GFRA2: variants seen among roughly 807,000 people sequenced by gnomAD.
GFRA2 encodes GDNF family receptor alpha 2, also known as GDNF family receptor alpha-2.
A neutral mutation model predicts 48.3 loss-of-function variants in GFRA2; 17 were observed. The ratio of observed to expected loss-of-function variants is 0.35; its 90% confidence interval spans 0.24 to 0.53. The LOEUF (loss-of-function observed/expected upper bound fraction) is 0.53, where lower values mean the gene tolerates loss of function less well. Ranked by LOEUF, GFRA2 falls within the 20% of genes least tolerant of loss-of-function variation. The probability of loss-of-function intolerance (pLI) is 0.93; values close to 1 mark genes in which losing one functional copy is unlikely to be tolerated. For missense variants in GFRA2, 660 were observed against 637.3 expected, an observed-to-expected ratio of 1.04 and a Z score of -0.38; for synonymous variants, 305 against 257.2, an observed-to-expected ratio of 1.19 and a Z score of -1.78.
intron 4 of GFRA2, among the ~76,000 whole-genome samples, chr8:21,710,830 C>T (rs945603512): frequency 1.3e-5 from 2 of 152,208 alleles, no homozygotes; most frequent in Non-Finnish European, 2.9e-5. Context: ...TCCTCCATTG[C>T]GCCATCCTCA....
At chr8:21,756,550 GAC>G (rs1164350529) in intron 3 of GFRA2, among the ~76,000 whole-genome samples, 1 of 152,150 alleles carries the variant, frequency 6.6e-6, no homozygotes. Flanking sequence ...AGAAAAACTG[GAC>G]ACACATTCCT....
At chr8:21,752,827 G>A (rs553597735) in intron 3 of GFRA2, among the ~76,000 whole-genome samples, 5 of 152,002 alleles carry the variant, frequency 3.3e-5, no homozygotes, top group Admixed American at 6.6e-5. Flanking sequence ...CAAAACTCTC[G>A]GCGCTTCTTT....
chr8:21,806,826 C>G (rs1430845024), intron 1 of GFRA2, among the ~76,000 whole-genome samples: 1 of 152,160 alleles, frequency 6.6e-6, no homozygotes, highest in African/African-American at 2.4e-5. Flanking sequence ...GGAAATAACT[C>G]CACTGTAAAT....
At chr8:21,803,021 G>C (rs1245495649) in intron 2 of GFRA2, among the ~76,000 whole-genome samples, 2 of 152,202 alleles carry the variant, frequency 1.3e-5, no homozygotes, top group Non-Finnish European at 2.9e-5. Context: ...AGCTAAGCTA[G>C]GTTAAGCTAA....
intron 4 of GFRA2, among the ~76,000 whole-genome samples, chr8:21,736,910 G>GGGGAA (rs1804491997): frequency 6.8e-6 from 1 of 147,268 alleles, no homozygotes; most frequent in African/African-American, 2.5e-5. Context: ...GAAGAAATGA[G>GGGGAA]GGGAGGGGAG....
In GFRA2 at chr8:21,788,834, C is replaced by T. The variant is rs1198198412; in HGVS notation, c.-675G>A. The T allele has an allele frequency of 2.1e-6, 2 of 972,778 alleles. No homozygotes were observed. Among genetic ancestry groups the T allele is most frequent in the Non-Finnish European group, 2.4e-6 (2 of 818,660 alleles). The allele number at this position is 972,778 out of a possible 1,614,324, so 60.3% of individuals were successfully genotyped here. A position where few individuals can be genotyped will look rare whatever the true frequency, so the allele number is the denominator to read the frequency against. ...TTTCTCTCTCCTCTCTCTCTCTCTCCTCTCCCTCGCTCGCTCTTTGCTCTC... is the reference window on the plus strand; with the variant it reads ...TTTCTCTCTCCTCTCTCTCTCTCTCTTCTCCCTCGCTCGCTCTTTGCTCTC... On this transcript the variant is annotated 5_prime_UTR_variant, in exon 1 of 9. Coordinates refer to ENST00000524240, the MANE Select transcript of GFRA2 (RefSeq NM_001495.5).
At chr8:21,711,094 G>A (rs567998074) in intron 4 of GFRA2, among the ~76,000 whole-genome samples, 3 of 152,268 alleles carry the variant, frequency 2.0e-5, no homozygotes, top group African/African-American at 7.2e-5. Context: ...ATTTCTCCAA[G>A]GCAAATGTTA....
chr8:21,751,032 C>T (rs932146166), intron 3 of GFRA2, 90 bp from the exon 4 acceptor site: 3 of 857,482 alleles, frequency 3.5e-6, no homozygotes, highest in African/African-American at 3.4e-5. Context: ...TCCCAGTACT[C>T]GATATGCTTC....
chr8:21,785,025 C>T (rs1477889772), intron 1 of GFRA2, among the ~76,000 whole-genome samples: 3 of 152,192 alleles, frequency 2.0e-5, no homozygotes, highest in African/African-American at 4.8e-5. Context: ...TTAACCACCC[C>T]GCCTCCCCAT....
chr8:21,746,637 G>C (rs1235764120), intron 4 of GFRA2, among the ~76,000 whole-genome samples: 2 of 151,808 alleles, frequency 1.3e-5, no homozygotes, highest in African/African-American at 4.8e-5. Flanking sequence ...CATCTGCTTG[G>C]CTCAGCACAC....
intron 2 of GFRA2, among the ~76,000 whole-genome samples, chr8:21,795,322 C>G (rs1807649639): frequency 6.6e-6 from 1 of 152,090 alleles, no homozygotes; most frequent in Non-Finnish European, 1.5e-5. Flanking sequence ...AATTAATTTC[C>G]CTTCTCAGAC....
intron 3 of GFRA2, among the ~76,000 whole-genome samples, chr8:21,773,269 T>C (rs1425409724): frequency 1.3e-5 from 2 of 152,166 alleles, no homozygotes; most frequent in African/African-American, 2.4e-5. Context: ...GCTCAGAGCC[T>C]CTGTATGACC....
upstream of GFRA2, among the ~76,000 whole-genome samples, chr8:21,790,734 A>T (rs1585348547): frequency 6.6e-6 from 1 of 152,188 alleles, no homozygotes; most frequent in Non-Finnish European, 1.5e-5. Flanking sequence ...AGTTGGGGAA[A>T]GCCCCCTTCA....
In GFRA2 at chr8:21,728,545, G is replaced by A. The variant is rs552495115; in HGVS notation, c.794+22043C>T. ...CCGCCTTGGCCTCCCAAACTGCTGCGAGTATATGAATGAGCCACGGCACCC... is the reference window on the plus strand; with the variant it reads ...CCGCCTTGGCCTCCCAAACTGCTGCAAGTATATGAATGAGCCACGGCACCC... On this transcript the variant is annotated intron_variant, in intron 4 of 8. Transcript: ENST00000524240. Among the ~76,000 whole-genome samples the A allele has an allele frequency of 1.4e-4, 22 of 152,154 alleles. No homozygotes were observed. The South Asian group carries it at 4.2e-3, about 29-fold the overall frequency.
At chr8:21,801,112 G>A (rs1807762430) in intron 2 of GFRA2, among the ~76,000 whole-genome samples, 1 of 151,946 alleles carries the variant, frequency 6.6e-6, no homozygotes, top group Non-Finnish European at 1.5e-5. Context: ...CTGCAGAAGG[G>A]CCTCCACATC....
intron 3 of GFRA2, among the ~76,000 whole-genome samples, chr8:21,767,460 G>T (rs959230359): frequency 2.0e-5 from 3 of 152,260 alleles, no homozygotes. Context: ...TTACAGGAGC[G>T]TGCAGGCATG....
intron 4 of GFRA2, among the ~76,000 whole-genome samples, chr8:21,745,654 C>T (rs1804969584): frequency 6.6e-6 from 1 of 152,218 alleles, no homozygotes; most frequent in African/African-American, 2.4e-5. Flanking sequence ...AGAGCCATGA[C>T]CCAGCTTCCT....
chr8:21,778,170 C>T (rs1225769198), intron 2 of GFRA2, among the ~76,000 whole-genome samples: 6 of 152,102 alleles, frequency 3.9e-5, no homozygotes, highest in South Asian at 2.1e-4. Flanking sequence ...TTGCCCTCTC[C>T]GCAGCCCCAG....
chr8:21,778,810 C>T (rs1218327408), intron 2 of GFRA2, among the ~76,000 whole-genome samples: 1 of 152,006 alleles, frequency 6.6e-6, no homozygotes, highest in Non-Finnish European at 1.5e-5. Flanking sequence ...TCACTTCAGC[C>T]CAGAAACTTG....
Sources: gnomAD v4.1 joint callset for allele counts (sites outside exome capture counted in the v4.1 genomes callset) on GRCh38, gnomAD v4.1.1 for gene constraint, MANE v1.5 for transcripts, NCBI Gene and HGNC (gene_info 2026-07-23, HGNC 2026-07-21) for gene names.